The following SLC27A5 variants were observed in gnomAD, a reference collection of about 807,000 sequenced individuals.
SLC27A5 encodes the protein solute carrier family 27 member 5, also known as long-chain fatty acid transport protein 5.
A neutral mutation model predicts 63.1 loss-of-function variants in SLC27A5; 47 were observed. The observed-to-expected ratio is 0.74, with a 90% CI of 0.59 to 0.95. The LOEUF (loss-of-function observed/expected upper bound fraction) is 0.95, where lower values mean the gene tolerates loss of function less well. Ranked by LOEUF, SLC27A5 falls within the 40% of genes least tolerant of loss-of-function variation. The pLI is 0.00. For synonymous variants in SLC27A5, 391 were observed against 403.8 expected (o/e 0.97, Z 0.38); for missense variants, 940 against 921.0 (o/e 1.02, Z -0.27).
Position 58,498,437 on chromosome 19 carries a change from C to G in SLC27A5, c.*78G>C. ...GGCCAGGCTGGGATTCACACAGGCC[C>G]AGGATGAAAGGGACACCGAGTGTGT... On this transcript the variant is annotated 3_prime_UTR_variant, in exon 10 of 10. Transcript: ENST00000263093. 1.4e-6 allele frequency: 2 copies of G among 1,447,044 alleles called. 1 individual carries two copies. The highest frequency in any genetic ancestry group is 2.6e-5 in the South Asian group (2 of 75,924). 89.6% of individuals were successfully genotyped at this position (1,447,044 alleles called of 1,614,324 possible). A position where few individuals can be genotyped will look rare whatever the true frequency, so the allele number is the denominator to read the frequency against.
At chr19:58,505,661 T>G (rs2053336746) in intron 3 of SLC27A5, among the ~76,000 whole-genome samples, 1 of 148,026 alleles carries the variant, frequency 6.8e-6, no homozygotes, top group African/African-American at 2.5e-5. Context: ...CTGACCAACA[T>G]GGAGAAACCC....
At chr19:58,505,881 G>C in intron 3 of SLC27A5, among the ~76,000 whole-genome samples, 1 of 149,392 alleles carries the variant, frequency 6.7e-6, no homozygotes. Context: ...GGCCGGGCAC[G>C]GTAGTTCACA....
At chr19:58,509,790 G>T in intron 3 of SLC27A5, 57 bp downstream of exon 3, 1 of 1,513,592 alleles carries the variant, frequency 6.6e-7, no homozygotes. Context: ...ACAGCCCCAC[G>T]CCGACACTTA....
Position 58,499,205 on chromosome 19 carries a change from G to T in SLC27A5, c.1683C>A (p.Asn561Lys), listed in dbSNP as rs756058125. The T allele has an allele frequency of 6.2e-7, 1 of 1,613,670 alleles. No individual in the cohort carries two copies. The highest frequency in any genetic ancestry group is 1.3e-5 in the African/African-American group (1 of 74,946). ...LGDTFRWKGE[N>K]VSTHEVEGVL... ...CGCCCTCCACCTCGTGCGTGGACACGTTCTCGCCCTTCCATCTGCAAGGAG... is the reference window on the plus strand; with the variant it reads ...CGCCCTCCACCTCGTGCGTGGACACTTTCTCGCCCTTCCATCTGCAAGGAG... The change falls in exon 8 of 10, where the codon AAC becomes AAA. Residue 561 changes from asparagine (N) to lysine (K), a missense_variant. Asn to Lys is a moderately conservative substitution (Grantham distance 94). Transcript: ENST00000263093.
intron 7 of SLC27A5, 38 bp from the exon 8 acceptor site, chr19:58,499,258 G>T: frequency 1.3e-6 from 2 of 1,587,148 alleles, no homozygotes; most frequent in East Asian, 2.3e-5. Flanking sequence ...CCACGCCCCC[G>T]GGAAGGAGAG....
In SLC27A5 at chr19:58,498,454, C is replaced by T. The variant is rs536901419; in HGVS notation, c.*61G>A. 6.6e-6 allele frequency: 10 copies of T among 1,515,714 alleles called. No individual in the cohort carries two copies. The highest frequency in any genetic ancestry group is 6.2e-5 in the South Asian group (5 of 80,084). The allele number at this position is 1,515,714 out of a possible 1,614,324, so 93.9% of individuals were successfully genotyped here. ...CACAGGCCCAGGATGAAAGGGACAC[C>T]GAGTGTGTTGGGGTGGGGGTGGCTG... On this transcript the variant is annotated 3_prime_UTR_variant, in exon 10 of 10. Transcript: ENST00000263093.
At chr19:58,509,826 G>T in intron 3 of SLC27A5, 21 bp downstream of exon 3, 1 of 1,604,096 alleles carries the variant, frequency 6.2e-7, no homozygotes, top group Non-Finnish European at 8.5e-7. Flanking sequence ...AGACTGGAGG[G>T]ATCCTCAGAA....
In SLC27A5 at chr19:58,500,345, C is replaced by G. The variant is rs759139836; in HGVS notation, c.1462G>C (p.Gly488Arg). ...GGCTCCTCAACCCCCATACCTAGCCCTACAGGGATGCAGAAGCCCTGATTG... is the reference window on the plus strand; with the variant it reads ...GGCTCCTCAACCCCCATACCTAGCCGTACAGGGATGCAGAAGCCCTGATTG... ...RDNQGFCIPV[G>R]LGEPGLLLTK... Residue 488 changes from glycine to arginine, a missense_variant, in exon 6 of 10, where the codon GGG becomes CGG. Transcript: ENST00000263093. 2.5e-6 allele frequency: 4 copies of G among 1,612,892 alleles called. No individual in the cohort carries two copies. The highest frequency in any genetic ancestry group is 2.2e-5 in the East Asian group (1 of 44,888).
intron 3 of SLC27A5, among the ~76,000 whole-genome samples, chr19:58,506,205 G>C (rs1201475887): frequency 1.3e-5 from 2 of 151,962 alleles, no homozygotes; most frequent in Non-Finnish European, 2.9e-5. Flanking sequence ...GGGATTATAG[G>C]CATGAGGAAC....
At chr19:58,504,382 C>A (rs1036995312) in intron 3 of SLC27A5, among the ~76,000 whole-genome samples, 1 of 152,290 alleles carries the variant, frequency 6.6e-6, no homozygotes, top group South Asian at 2.1e-4. Context: ...GGCACGGTGG[C>A]TCACGCCTGT....
chr19:58,509,759 C>T, intron 3 of SLC27A5, 88 bp downstream of exon 3: 1 of 1,265,858 alleles, frequency 7.9e-7, no homozygotes. Flanking sequence ...GCTGGGTAAC[C>T]TATGGTGTCT....
At chr19:58,499,833 AGAGAGACAT>A in intron 6 of SLC27A5, 143 bp from the exon 7 acceptor site, 1 of 737,594 alleles carries the variant, frequency 1.4e-6, no homozygotes, top group Non-Finnish European at 2.2e-6. Flanking sequence ...TCCAGAGATG[AGAGAGACAT>A]TCAGAGACCT....
Position 58,511,138 on chromosome 19 carries a change from G to T in SLC27A5, c.688+130C>A, listed in dbSNP as rs537746083. ...CCTGAGAACTACTTTCTGCTCATAA[G>T]TCTTGATTATAATTGCCTGTGAAAG... On this transcript the variant is annotated intron_variant, in intron 1 of 9. Coordinates refer to ENST00000263093, the MANE Select transcript of SLC27A5 (RefSeq NM_012254.3). The T allele has an allele frequency of 2.5e-4, 265 of 1,078,028 alleles. 1 individual carries two copies. The East Asian group carries it at 6.7e-3, about 27-fold the overall frequency. 66.8% of individuals were successfully genotyped at this position (1,078,028 alleles called of 1,614,324 possible).
At chr19:58,499,066 A>G in intron 8 of SLC27A5, 57 bp downstream of exon 8, 2 of 1,608,186 alleles carry the variant, frequency 1.2e-6, no homozygotes, top group Non-Finnish European at 1.7e-6. Flanking sequence ...TAAAATCAGA[A>G]TAACGACCCC....
In SLC27A5 at chr19:58,498,919, G is replaced by A. The variant is rs1426967694; in HGVS notation, c.1766-4C>T. 1.9e-6 allele frequency: 3 copies of A among 1,611,000 alleles called. No individual in the cohort carries two copies. The highest frequency in any genetic ancestry group is 2.5e-6 in the Non-Finnish European group (3 of 1,179,460). On this transcript the variant is annotated splice_polypyrimidine_tract_variant and splice_region_variant and intron_variant, in intron 8 of 9. Transcript: ENST00000263093. ...ATGCCCACCTTACCCTCACAACCTA[G>A]AGAGCAGTCTGGTCACTCTCGGCTG...
intron 3 of SLC27A5, among the ~76,000 whole-genome samples, chr19:58,505,829 CAATAGTGAAACCCCG>C (rs1408306962): frequency 1.7e-5 from 2 of 119,266 alleles, no homozygotes; most frequent in Non-Finnish European, 3.4e-5. Context: ...TCCTGGGCAA[CAATAGTGAAACCCCG>C]ACTCAAAAAA....
Position 58,511,772 on chromosome 19 carries a change from G to A in SLC27A5, c.184C>T (p.His62Tyr). 1 of 1,552,950 alleles carries A rather than the reference G, an allele frequency of 6.4e-7. No individual in the cohort carries two copies. Among genetic ancestry groups the A allele is most frequent in the Non-Finnish European group, 8.7e-7 (1 of 1,148,564 alleles). Residue 62 changes from histidine to tyrosine, a missense_variant, in exon 1 of 10, where the codon CAT (histidine) becomes TAT (tyrosine). By Grantham distance (83) the His-to-Tyr change is moderately conservative (BLOSUM62 2). Coordinates refer to ENST00000263093, the MANE Select transcript of SLC27A5 (RefSeq NM_012254.3). ...ARPWLGPWVP[H>Y]GLSLAAAALA... Reference sequence around the variant, plus strand: ...GCCGCAGCTGCCAGGCTCAGCCCATGGGGCACCCAGGGGCCGAGCCAGGGC... The same window carrying A: ...GCCGCAGCTGCCAGGCTCAGCCCATAGGGCACCCAGGGGCCGAGCCAGGGC...
Position 58,511,710 on chromosome 19 carries a change from TG to T in SLC27A5, c.245del (p.Pro82GlnfsTer10). 6.4e-7 allele frequency: 1 copy of T among 1,561,686 alleles called. No homozygotes were observed. Among genetic ancestry groups the T allele is most frequent in the Non-Finnish European group, 8.7e-7 (1 of 1,152,510 alleles). On this transcript the variant is annotated frameshift_variant, in exon 1 of 10. Coordinates refer to ENST00000263093, the MANE Select transcript of SLC27A5 (RefSeq NM_012254.3). LOFTEE classifies it high-confidence loss of function. Reference protein sequence around the residue: ...ALTLLPARLPPGLRWLPADVI... With the variant: ...ALTLLPARLPXGLRWLPADVI... ...CATCAGCCGGCAGCCAGCGTAGTCC[TG>T]GGGGCAGCCGTGCTGGCAGGAGGGT...
intron 8 of SLC27A5, 29 bp downstream of exon 8, chr19:58,499,094 T>C (rs1568625941): frequency 1.2e-6 from 2 of 1,612,796 alleles, no homozygotes; most frequent in Non-Finnish European, 1.7e-6. Flanking sequence ...ACAAAGCTGT[T>C]GGAAGTTTAA....
Sources: allele counts gnomAD v4.1 joint callset (sites outside exome capture counted in the v4.1 genomes callset), GRCh38; gene constraint gnomAD v4.1.1; transcripts MANE v1.5; gene names NCBI Gene and HGNC (gene_info 2026-07-23, HGNC 2026-07-21).